MGAT4C: variants seen among roughly 807,000 people sequenced by gnomAD.
MGAT4C encodes alpha-1,3-mannosyl-glycoprotein 4-beta-N-acetylglucosaminyltransferase C.
MGAT4C carries 19 observed loss-of-function variants against 40.1 expected under a neutral mutation model. That is an observed-to-expected ratio of 0.47 (90% CI 0.33 to 0.70). MGAT4C has a LOEUF of 0.70. Ranked by LOEUF, MGAT4C falls within the 30% of genes least tolerant of loss-of-function variation. The probability of loss-of-function intolerance (pLI) is 0.02; values close to 1 mark genes in which losing one functional copy is unlikely to be tolerated. For missense variants in MGAT4C, 491 were observed against 563.2 expected, an observed-to-expected ratio of 0.87 and a Z score of 1.30; for synonymous variants, 181 against 187.1, an observed-to-expected ratio of 0.97 and a Z score of 0.27.
intron 3 of MGAT4C, among the ~76,000 whole-genome samples, chr12:86,355,455 T>A (rs917216672): frequency 6.6e-6 from 1 of 152,184 alleles, no homozygotes; most frequent in East Asian, 1.9e-4. Flanking sequence ...ATTTTTATAA[T>A]TCCAGAAAAC....
At chr12:86,697,728 T>C (rs1351195366) in intron 2 of MGAT4C, among the ~76,000 whole-genome samples, 1 of 152,096 alleles carries the variant, frequency 6.6e-6, no homozygotes, top group Non-Finnish European at 1.5e-5. Flanking sequence ...ACAACTGCAA[T>C]AATGATGTTG....
intron 2 of MGAT4C, among the ~76,000 whole-genome samples, chr12:86,711,071 C>T (rs1950547803): frequency 6.6e-6 from 1 of 152,046 alleles, no homozygotes; most frequent in Non-Finnish European, 1.5e-5. Flanking sequence ...TAAAAGACTA[C>T]ATATAGAGTA....
intron 3 of MGAT4C, among the ~76,000 whole-genome samples, chr12:86,426,705 T>C (rs1956932429): frequency 6.6e-6 from 1 of 152,154 alleles, no homozygotes; most frequent in African/African-American, 2.4e-5. Flanking sequence ...CAAAGCACTT[T>C]GGGAGGCCGA....
chr12:86,615,734 T>A (rs1389675216), intron 2 of MGAT4C, among the ~76,000 whole-genome samples: 10 of 152,036 alleles, frequency 6.6e-5, no homozygotes, highest in Non-Finnish European at 7.4e-5. Context: ...TCACATCAAA[T>A]CCATGACCCT....
Position 86,604,429 on chromosome 12 carries a change from G to T in MGAT4C, c.-229+122780C>A, listed in dbSNP as rs763581486. ...TTTTTTTAACTGAGGGCTTTCCAGGGAACAGAACATTTCTGTATGCCAGAA... is the reference window on the plus strand; with the variant it reads ...TTTTTTTAACTGAGGGCTTTCCAGGTAACAGAACATTTCTGTATGCCAGAA... On this transcript the variant is annotated intron_variant, in intron 2 of 7. Transcript: ENST00000548651. Among the ~76,000 whole-genome samples the T allele has an allele frequency of 7.2e-5, 11 of 152,112 alleles. 1 individual carries two copies. The highest frequency in any genetic ancestry group is 2.4e-4 in the African/African-American group (10 of 41,522).
chr12:86,106,337 G>T (rs1367589904), intron 1 of MGAT4C, among the ~76,000 whole-genome samples: 1 of 152,096 alleles, frequency 6.6e-6, no homozygotes, highest in Non-Finnish European at 1.5e-5. Context: ...TACAGTGTCT[G>T]TTGCCCCGGC....
At chr12:86,589,215 G>A (rs1490516639) in intron 2 of MGAT4C, among the ~76,000 whole-genome samples, 1 of 146,656 alleles carries the variant, frequency 6.8e-6, no homozygotes, top group African/African-American at 2.5e-5. Context: ...AAATGATAAA[G>A]GGGATATCAC....
At chr12:86,757,222 G>A (rs932223105) in intron 1 of MGAT4C, among the ~76,000 whole-genome samples, 5 of 148,692 alleles carry the variant, frequency 3.4e-5, no homozygotes, top group African/African-American at 1.2e-4. Flanking sequence ...GTTGGGGGTT[G>A]GGGGGCTAGG....
chr12:86,513,891 A>C (rs1208775592), intron 2 of MGAT4C, among the ~76,000 whole-genome samples: 1 of 152,144 alleles, frequency 6.6e-6, no homozygotes, highest in Admixed American at 6.6e-5. Context: ...ACAGTTCCAC[A>C]AACAAGGTAG....
At chr12:86,756,899 C>T (rs1477727062) in intron 1 of MGAT4C, among the ~76,000 whole-genome samples, 2 of 152,142 alleles carry the variant, frequency 1.3e-5, no homozygotes, top group African/African-American at 4.8e-5. Flanking sequence ...TGGGAAAAAA[C>T]ATTACTTTGC....
chr12:86,171,022 T>A (rs934932895), intron 1 of MGAT4C, among the ~76,000 whole-genome samples: 4 of 152,150 alleles, frequency 2.6e-5, no homozygotes, highest in Non-Finnish European at 5.9e-5. Context: ...GTATGAAGCA[T>A]CTTGCTGGAT....
At chr12:86,034,912 TC>T (rs1366581719) in intron 2 of MGAT4C, among the ~76,000 whole-genome samples, 1 of 150,102 alleles carries the variant, frequency 6.7e-6, no homozygotes, top group Non-Finnish European at 1.5e-5. Context: ...CATGAACTCA[TC>T]CTTTTTTATG....
chr12:86,141,334 A>G (rs1882805638), intron 1 of MGAT4C, among the ~76,000 whole-genome samples: 1 of 152,210 alleles, frequency 6.6e-6, no homozygotes, highest in Non-Finnish European at 1.5e-5. Context: ...AATAAAGTGA[A>G]TTCAATTTAA....
intron 2 of MGAT4C, among the ~76,000 whole-genome samples, chr12:86,543,279 TATA>T (rs952305612): frequency 1.3e-5 from 2 of 151,396 alleles, no homozygotes; most frequent in African/African-American, 2.4e-5. Context: ...ACATTAATAG[TATA>T]ATAATCATAT....
intron 2 of MGAT4C, among the ~76,000 whole-genome samples, chr12:86,708,115 C>T (rs117176902): frequency 0.02 from 2,975 of 152,218 alleles, 41 homozygotes; most frequent in Middle Eastern, 0.037. Flanking sequence ...GGCCCAGAGG[C>T]CTAGGAGGGA....
chr12:86,406,847 C>T (rs899313124), intron 3 of MGAT4C, among the ~76,000 whole-genome samples: 11 of 152,064 alleles, frequency 7.2e-5, no homozygotes, highest in African/African-American at 1.9e-4. Context: ...ATATTTTACA[C>T]GTCAAGTAAT....
intron 2 of MGAT4C, among the ~76,000 whole-genome samples, chr12:86,514,332 G>A (rs374561440): frequency 6.6e-5 from 10 of 152,148 alleles, no homozygotes; most frequent in African/African-American, 2.4e-4. Flanking sequence ...TTTTTCTACT[G>A]CTTTAATTTA....
Position 85,983,856 on chromosome 12 carries a change from C to G in MGAT4C, c.148-186G>C, listed in dbSNP as rs139154440. 4.1e-3 allele frequency among the ~76,000 whole-genome samples: 624 copies of G among 152,246 alleles called. 4 individuals carry two copies. The highest frequency in any genetic ancestry group is 0.014 in the African/African-American group (600 of 41,550). On this transcript the variant is annotated intron_variant, in intron 3 of 4. Coordinates refer to ENST00000611864, the MANE Select transcript of MGAT4C (RefSeq NM_001351288.2). ...TCACCTCATTTTTTACCTGGAGGTT[C>G]TGCTCCAGTAGCTCGCTCGCCTATT... is the stretch of plus-strand genomic sequence containing the variant.
intron 2 of MGAT4C, among the ~76,000 whole-genome samples, chr12:86,620,341 TCA>T (rs142544847): frequency 8.0e-5 from 12 of 149,796 alleles, no homozygotes; most frequent in South Asian, 2.1e-4. Context: ...AGATAAAATA[TCA>T]CACACACACA....
Sources: gnomAD v4.1 joint callset for allele counts (sites outside exome capture counted in the v4.1 genomes callset) on GRCh38, gnomAD v4.1.1 for gene constraint, MANE v1.5 for transcripts, NCBI Gene and HGNC (gene_info 2026-07-23, HGNC 2026-07-21) for gene names.